Variants in HEATR5A observed in about 807,000 individuals in gnomAD.
The protein encoded by HEATR5A is HEAT repeat containing 5A.
HEATR5A carries 178 observed loss-of-function variants against 218.8 expected under a neutral mutation model. The observed-to-expected ratio is 0.81, with a 90% CI of 0.72 to 0.92. The LOEUF is 0.92. HEATR5A is among the 40% of genes least tolerant of loss of function. The pLI is 0.00. For synonymous variants in HEATR5A, 864 were observed against 871.6 expected (o/e 0.99, Z 0.15); for missense variants, 2,420 against 2,418.9 (o/e 1.00, Z -0.01).
In HEATR5A at chr14:31,307,968, G is replaced by A; in HGVS notation, c.4743C>T (p.Ser1581=). Residue 1581 remains serine (S), a synonymous_variant, in exon 30 of 36, where the codon AGC becomes AGT. Transcript: ENST00000543095. ...CSLRSDATME[S]ITACLHALQA... ...GCAATGCATGTAAACAAGCAGTTAT[G>A]CTTTCCATGGTTGCATCTGAACGTA... The A allele has an allele frequency of 6.2e-7, 1 of 1,613,684 alleles. No homozygotes were observed. The highest frequency in any genetic ancestry group is 8.5e-7 in the Non-Finnish European group (1 of 1,179,702).
chr14:31,398,415 C>A (rs893370152), intron 4 of HEATR5A, among the ~76,000 whole-genome samples: 1 of 152,150 alleles, frequency 6.6e-6, no homozygotes, highest in African/African-American at 2.4e-5. Context: ...AGGGATGGGA[C>A]TGTAAGTGGA....
chr14:31,364,873 G>C (rs748096469), intron 13 of HEATR5A, among the ~76,000 whole-genome samples: 1 of 151,920 alleles, frequency 6.6e-6, no homozygotes, highest in Non-Finnish European at 1.5e-5. Flanking sequence ...TACTGTTTTT[G>C]GTTTGTTTGT....
chr14:31,398,450 AT>A (rs1174117847), intron 4 of HEATR5A, among the ~76,000 whole-genome samples: 4 of 152,212 alleles, frequency 2.6e-5, no homozygotes, highest in African/African-American at 4.8e-5. Context: ...GCCCGCTTGG[AT>A]TTATATGAAT....
chr14:31,331,327 G>A (rs1224733707), intron 22 of HEATR5A, among the ~76,000 whole-genome samples: 3 of 152,082 alleles, frequency 2.0e-5, no homozygotes, highest in East Asian at 1.9e-4. Context: ...GGAGCAAAAC[G>A]CTGCCAGTCT....
intron 16 of HEATR5A, among the ~76,000 whole-genome samples, chr14:31,358,124 C>T (rs1043797345): frequency 6.6e-6 from 1 of 152,182 alleles, no homozygotes; most frequent in Non-Finnish European, 1.5e-5. Context: ...CCCAAAACCT[C>T]CTCCTATCCC....
intron 21 of HEATR5A, among the ~76,000 whole-genome samples, chr14:31,342,836 A>G (rs1184629851): frequency 6.6e-6 from 1 of 151,986 alleles, no homozygotes; most frequent in Non-Finnish European, 1.5e-5. Flanking sequence ...ATTCTACAAA[A>G]GTAGGGATAA....
rs544738492 is a variant in HEATR5A at position 31,335,742 on chromosome 14, C to T, written c.3367+1734G>A. Among the ~76,000 whole-genome samples, 264 of 152,282 alleles carry T rather than the reference C, an allele frequency of 1.7e-3. 10 individuals carry two copies. In the South Asian group the frequency reaches 0.052, roughly 30 times the overall value. ...AATTTCGGCCCACTACAACCTCCCC[C>T]TCCTGGGTTCAACTGATTCTTGTGC... On this transcript the variant is annotated intron_variant, in intron 22 of 35. Coordinates refer to ENST00000543095, the MANE Select transcript of HEATR5A (RefSeq NM_015473.4).
chr14:31,303,870 C>A (rs967249510), intron 32 of HEATR5A, among the ~76,000 whole-genome samples: 1 of 152,028 alleles, frequency 6.6e-6, no homozygotes, highest in Non-Finnish European at 1.5e-5. Flanking sequence ...AAAAAGGTAA[C>A]GATTAGCAGA....
chr14:31,386,174 G>T (rs1300666512), intron 9 of HEATR5A, among the ~76,000 whole-genome samples: 1 of 152,190 alleles, frequency 6.6e-6, no homozygotes, highest in Non-Finnish European at 1.5e-5. Flanking sequence ...TTACTTCTCT[G>T]TAAGTTTTTC....
chr14:31,370,661 G>A lies in HEATR5A; in HGVS notation c.1961+1149C>T, dbSNP rs1595146725. On this transcript the variant is annotated intron_variant, in intron 13 of 35. Transcript: ENST00000543095. ...ATTATTACCATAAGCTTTAAAAGCA[G>A]AAAATTGGAAACAACCCAGAAGTCC... Among the ~76,000 whole-genome samples the A allele has an allele frequency of 2.0e-5, 3 of 152,268 alleles. No individual in the cohort carries two copies. In the South Asian group the frequency reaches 6.2e-4, roughly 32 times the overall value.
chr14:31,324,085 T>A (rs1046058962), intron 23 of HEATR5A, among the ~76,000 whole-genome samples: 5 of 152,132 alleles, frequency 3.3e-5, no homozygotes, highest in African/African-American at 1.2e-4. Flanking sequence ...AAAAAATATT[T>A]AAAAAAACAA....
At chr14:31,344,152 CCA>C (rs1450571569) in intron 20 of HEATR5A, 87 bp from the exon 21 acceptor site, 1 of 706,524 alleles carries the variant, frequency 1.4e-6, no homozygotes, top group East Asian at 3.1e-5. Context: ...AAATTTACTT[CCA>C]GTTTAAACAT....
chr14:31,315,616 T>C (rs1899889439), intron 27 of HEATR5A, among the ~76,000 whole-genome samples, 154 bp downstream of exon 27: 1 of 152,230 alleles, frequency 6.6e-6, no homozygotes, highest in Admixed American at 6.5e-5. Context: ...ACTAACATAT[T>C]AACATATAAA....
chr14:31,392,246 G>A (rs1181330625), intron 6 of HEATR5A, among the ~76,000 whole-genome samples: 2 of 152,094 alleles, frequency 1.3e-5, no homozygotes, highest in Non-Finnish European at 2.9e-5. Flanking sequence ...TGTGCACAAT[G>A]TAAGTCTGCC....
chr14:31,365,668 TTTG>T (rs1435951587), intron 13 of HEATR5A, among the ~76,000 whole-genome samples: 2 of 149,766 alleles, frequency 1.3e-5, no homozygotes, highest in African/African-American at 4.9e-5. Context: ...GTGTACTTTT[TTTG>T]TTGTTGTTGT....
intron 2 of HEATR5A, among the ~76,000 whole-genome samples, 193 bp from the exon 3 acceptor site, chr14:31,400,705 C>CAATAA (rs778697700): frequency 0.012 from 1,813 of 152,244 alleles, 12 homozygotes; most frequent in Non-Finnish European, 0.019. Flanking sequence ...TGCTGCCCTG[C>CAATAA]TAATAATAAA....
chr14:31,394,659 CA>C (rs532512006), intron 5 of HEATR5A, among the ~76,000 whole-genome samples: 5 of 150,912 alleles, frequency 3.3e-5, no homozygotes, highest in Non-Finnish European at 7.4e-5. Flanking sequence ...ACTAAAAATA[CA>C]AAAAAAAATT....
At chr14:31,409,904 C>T (rs2031215136) in intron 1 of HEATR5A, among the ~76,000 whole-genome samples, 1 of 152,104 alleles carries the variant, frequency 6.6e-6, no homozygotes, top group South Asian at 2.1e-4. Flanking sequence ...TGGACGGAAA[C>T]ATATGTTGAA....
chr14:31,336,583 C>T (rs1900678918), intron 22 of HEATR5A, among the ~76,000 whole-genome samples: 1 of 129,752 alleles, frequency 7.7e-6, no homozygotes, highest in Non-Finnish European at 1.8e-5. Flanking sequence ...GTGATATACA[C>T]TTAAATCTTA....
Sources: allele counts gnomAD v4.1 joint callset (sites outside exome capture counted in the v4.1 genomes callset), GRCh38; gene constraint gnomAD v4.1.1; transcripts MANE v1.5; gene names NCBI Gene and HGNC (gene_info 2026-07-23, HGNC 2026-07-21).